GPR137B: variants seen among roughly 807,000 people sequenced by gnomAD.
The protein encoded by GPR137B is integral membrane protein GPR137B.
A neutral mutation model predicts 42.5 loss-of-function variants in GPR137B; 42 were observed. The ratio of observed to expected loss-of-function variants is 0.99; its 90% CI spans 0.77 to 1.28. The LOEUF (loss-of-function observed/expected upper bound fraction) is 1.28. Ranked by LOEUF, GPR137B falls within the 50% of genes most tolerant of loss-of-function variation. The pLI is 0.00. For synonymous variants in GPR137B, 218 were observed against 209.7 expected, an observed-to-expected ratio of 1.04 and a Z score of -0.34; for missense variants, 487 against 493.9, an observed-to-expected ratio of 0.99 and a Z score of 0.13.
At chr1:236,151,792 A>T (rs536733107) in intron 1 of GPR137B, among the ~76,000 whole-genome samples, 18 of 152,270 alleles carry the variant, frequency 1.2e-4, no homozygotes, top group African/African-American at 4.3e-4. Context: ...ACACAGGGTG[A>T]AAAAACCCCC....
At chr1:236,148,956 A>C (rs1423018832) in intron 1 of GPR137B, among the ~76,000 whole-genome samples, 5 of 152,168 alleles carry the variant, frequency 3.3e-5, no homozygotes, top group Non-Finnish European at 5.9e-5. Context: ...AGGGAGACAG[A>C]AACTGTAATA....
chr1:236,155,318 A>G lies in GPR137B; in HGVS notation c.414+12282A>G, dbSNP rs1661991292. On this transcript the variant is annotated intron_variant, in intron 1 of 6. Transcript: ENST00000366592. The surrounding 1 kb of genome is among the most constrained non-coding windows in gnomAD (Gnocchi z 4.6). ...AAGCAGCTTAATGAATATTTGTCCTAATGCTTTCACCTCGCAGATAGACAC... is the reference window on the plus strand; with the variant it reads ...AAGCAGCTTAATGAATATTTGTCCTGATGCTTTCACCTCGCAGATAGACAC... Among the ~76,000 whole-genome samples the G allele has an allele frequency of 1.3e-5, 2 of 152,144 alleles. No individual in the cohort carries two copies. The highest frequency in any genetic ancestry group is 2.9e-5 in the Non-Finnish European group (2 of 68,020).
At chr1:236,198,606 GA>G (rs1462150873) in intron 5 of GPR137B, among the ~76,000 whole-genome samples, 2 of 152,196 alleles carry the variant, frequency 1.3e-5, no homozygotes, top group Admixed American at 1.3e-4. Context: ...GAGCATGGGG[GA>G]TGTGTTTCCA....
chr1:236,178,607 TC>T lies in GPR137B; in HGVS notation c.660del (p.Leu221Ter). On this transcript the variant is annotated frameshift_variant, in exon 3 of 7. Transcript: ENST00000366592. LOFTEE classifies it high-confidence loss of function. ...SICLYKISKM[S>X]LANIYLESKG... is the part of the protein sequence containing the mutation. ...CTGTCTCTACAAAATCTCTAAGATG[TC>T]CTTAGCCAACATTTACTTGGAGTCC... 6.2e-7 allele frequency: 1 copy of T among 1,610,778 alleles called. No individual in the cohort carries two copies. The highest frequency in any genetic ancestry group is 1.3e-5 in the African/African-American group (1 of 74,918).
chr1:236,160,088 C>T lies in GPR137B; in HGVS notation c.415-8618C>T, dbSNP rs566273321. Among the ~76,000 whole-genome samples, 14 of 152,288 alleles carry T rather than the reference C, an allele frequency of 9.2e-5. 1 individual carries two copies. The South Asian group carries it at 2.3e-3, about 25-fold the overall frequency. ...AAAGCAGAAGAAACGATGCTAAAAC[C>T]GAAAGGAATTTGCCATTAGGGAGAA... On this transcript the variant is annotated intron_variant, in intron 1 of 6. Coordinates refer to ENST00000366592, the MANE Select transcript of GPR137B (RefSeq NM_003272.4).
At chr1:236,194,792 G>A (rs10924694) in intron 5 of GPR137B, among the ~76,000 whole-genome samples, 55,652 of 151,948 alleles carry the variant, frequency 0.37, 11,415 homozygotes, top group East Asian at 0.61. Flanking sequence ...GAAATTTTTT[G>A]AGAGGTAAAC....
intron 1 of GPR137B, among the ~76,000 whole-genome samples, chr1:236,153,060 A>G (rs113531818): frequency 0.018 from 2,366 of 132,390 alleles, 40 homozygotes; most frequent in African/African-American, 0.045. Flanking sequence ...CATCTCGGGG[A>G]AAAAAAAAAA....
chr1:236,154,524 C>T (rs1287513840), intron 1 of GPR137B, among the ~76,000 whole-genome samples: 1 of 151,660 alleles, frequency 6.6e-6, no homozygotes, highest in Non-Finnish European at 1.5e-5. Flanking sequence ...CAGACCAAGT[C>T]CCCACCCCTA....
chr1:236,172,888 T>C (rs1411827992), intron 2 of GPR137B, among the ~76,000 whole-genome samples: 1 of 151,716 alleles, frequency 6.6e-6, no homozygotes, highest in Non-Finnish European at 1.5e-5. Context: ...GACAGGTTCT[T>C]GCTATGTTGC....
intron 5 of GPR137B, among the ~76,000 whole-genome samples, chr1:236,184,757 T>C (rs999341668): frequency 7.3e-5 from 11 of 150,576 alleles, no homozygotes; most frequent in African/African-American, 2.7e-4. Flanking sequence ...TTTTTTTGTT[T>C]GTTTGCTTTT....
chr1:236,179,303 A>G (rs1236961393), intron 3 of GPR137B, among the ~76,000 whole-genome samples: 2 of 152,226 alleles, frequency 1.3e-5, no homozygotes, highest in African/African-American at 4.8e-5. Flanking sequence ...TTAACTATCC[A>G]TTTTGAGCCA....
chr1:236,193,521 G>A (rs149886941), intron 5 of GPR137B, among the ~76,000 whole-genome samples: 2 of 151,876 alleles, frequency 1.3e-5, no homozygotes, highest in Admixed American at 6.6e-5. Flanking sequence ...ATTCCTCCAC[G>A]CTCCTAGCAC....
At position 236,181,594 on chromosome 1, in the gene GPR137B, C is replaced by T. The variant is rs528424299; in HGVS notation, c.837+1566C>T. On this transcript the variant is annotated intron_variant, in intron 4 of 6. Coordinates refer to ENST00000366592, the MANE Select transcript of GPR137B (RefSeq NM_003272.4). The stretch of plus-strand genomic sequence containing the variant: ...TTCTAACATCTCAATAGTGCTCAAA[C>T]CCTGAGCTGGATTTAGACAGTGGAA... Among the ~76,000 whole-genome samples the T allele has an allele frequency of 1.2e-3, 179 of 152,312 alleles. 2 individuals carry two copies. The highest frequency in any genetic ancestry group is 1.9e-3 in the Non-Finnish European group (127 of 68,020).
chr1:236,151,638 G>T (rs1661869329), intron 1 of GPR137B, among the ~76,000 whole-genome samples: 1 of 152,046 alleles, frequency 6.6e-6, no homozygotes, highest in Non-Finnish European at 1.5e-5. Context: ...TGGCCAGGAT[G>T]ATCTCGATCT....
rs1662012563 is a variant in GPR137B at position 236,155,973 on chromosome 1, A to G, written c.415-12733A>G. Among the ~76,000 whole-genome samples, 1 of 152,146 alleles carries G rather than the reference A, an allele frequency of 6.6e-6. No homozygotes were observed. Among genetic ancestry groups the G allele is most frequent in the Non-Finnish European group, 1.5e-5 (1 of 68,014 alleles). On this transcript the variant is annotated intron_variant, in intron 1 of 6. Transcript: ENST00000366592. The surrounding 1 kb of genome is among the most constrained non-coding windows in gnomAD (Gnocchi z 4.6). ...CACATACACAAACGCACACACATGC[A>G]CACACACGCGCGCGCGCAAACACAC... is the stretch of plus-strand genomic sequence containing the variant.
At chr1:236,159,801 C>A (rs143407095) in intron 1 of GPR137B, among the ~76,000 whole-genome samples, 6 of 152,172 alleles carry the variant, frequency 3.9e-5, no homozygotes, top group South Asian at 2.1e-4. Context: ...CTGTGTCATC[C>A]GAAAGGATGG....
At chr1:236,182,585 T>C (rs1662915539) in intron 4 of GPR137B, among the ~76,000 whole-genome samples, 1 of 151,756 alleles carries the variant, frequency 6.6e-6, no homozygotes. Flanking sequence ...AAATAAAAAA[T>C]TAAAATTAAA....
intron 5 of GPR137B, among the ~76,000 whole-genome samples, chr1:236,192,998 G>A (rs1382019528): frequency 6.6e-6 from 1 of 151,994 alleles, no homozygotes; most frequent in Non-Finnish European, 1.5e-5. Context: ...GGGTTCAAGC[G>A]ATTCCCCTGC....
At position 236,168,702 on chromosome 1, in the gene GPR137B, G is replaced by A. The variant is rs1305237350; in HGVS notation, c.415-4G>A. 5.6e-6 allele frequency: 9 copies of A among 1,610,990 alleles called. No individual in the cohort carries two copies. Among genetic ancestry groups the A allele is most frequent in the Admixed American group, 5.0e-5 (3 of 60,000 alleles). On this transcript the variant is annotated splice_region_variant and splice_polypyrimidine_tract_variant and intron_variant, in intron 1 of 6. Coordinates refer to ENST00000366592, the MANE Select transcript of GPR137B (RefSeq NM_003272.4). Reference sequence around the variant, plus strand: ...CAACCTGCCATGCTTTTCTGTCGTTGCAGGTGATTTTCAAAGCCAAGTCAA... The same window carrying A: ...CAACCTGCCATGCTTTTCTGTCGTTACAGGTGATTTTCAAAGCCAAGTCAA...
Sources: gnomAD v4.1 joint callset for allele counts (sites outside exome capture counted in the v4.1 genomes callset) on GRCh38, gnomAD v4.1.1 for gene constraint, Gnocchi (gnomAD v3.1) non-coding constraint, MANE v1.5 for transcripts, NCBI Gene and HGNC (gene_info 2026-07-23, HGNC 2026-07-21) for gene names.